Variants in NEK7 observed in about 807,000 individuals in gnomAD.
NEK7 encodes serine/threonine-protein kinase Nek7.
A neutral mutation model predicts 44.6 loss-of-function variants in NEK7; 18 were observed. That is an observed-to-expected ratio of 0.40 (90% CI 0.28 to 0.60). The LOEUF is 0.60. NEK7 is among the 20% of genes least tolerant of loss of function. NEK7 has a pLI of 0.38. For missense variants in NEK7, 256 were observed against 366.5 expected, an observed-to-expected ratio of 0.70 and a Z score of 2.46; for synonymous variants, 130 against 121.1, an observed-to-expected ratio of 1.07 and a Z score of -0.48.
In NEK7 at chr1:198,297,233, CAGA is replaced by C; in HGVS notation, c.797_798+1del. The C allele has an allele frequency of 6.2e-7, 1 of 1,613,068 alleles. No homozygotes were observed. Among genetic ancestry groups the C allele is most frequent in the Non-Finnish European group, 8.5e-7 (1 of 1,179,510 alleles). The stretch of plus-strand genomic sequence containing the variant: ...CCACCTCTTCCTTCAGATCACTATT[CAGA>C]AGAAGTAAGTCATTTTCAGCCCACA... On this transcript the variant is annotated inframe_deletion, in exon 9 of 10. Transcript: ENST00000367385.
At chr1:198,267,987 G>A (rs1309703775) in intron 5 of NEK7, among the ~76,000 whole-genome samples, 1 of 151,868 alleles carries the variant, frequency 6.6e-6, no homozygotes, top group Non-Finnish European at 1.5e-5. Flanking sequence ...ATTTGGCTCT[G>A]CTTTTCATTC....
At chr1:198,258,784 G>A (rs1653358704) in intron 3 of NEK7, among the ~76,000 whole-genome samples, 2 of 152,142 alleles carry the variant, frequency 1.3e-5, no homozygotes, top group Admixed American at 1.3e-4. Context: ...AGAAACTTTG[G>A]TGGAGCTGAA....
At chr1:198,314,713 C>T (rs1655297400) in intron 9 of NEK7, among the ~76,000 whole-genome samples, 1 of 152,214 alleles carries the variant, frequency 6.6e-6, no homozygotes, top group African/African-American at 2.4e-5. Context: ...CAGTATGCCC[C>T]TGCAGGGGGG....
chr1:198,226,540 G>A (rs1196585556), intron 1 of NEK7, among the ~76,000 whole-genome samples: 31 of 148,414 alleles, frequency 2.1e-4, no homozygotes, highest in South Asian at 6.4e-4. Flanking sequence ...GCGATATTGC[G>A]TCTCAAAAAA....
At chr1:198,168,289 T>C (rs145073780) in intron 1 of NEK7, among the ~76,000 whole-genome samples, 46 of 152,304 alleles carry the variant, frequency 3.0e-4, no homozygotes, top group African/African-American at 1.1e-3. Flanking sequence ...ATTCAGATAA[T>C]ATAAGAAGCA....
chr1:198,235,266 A>T (rs1450099531), intron 2 of NEK7, among the ~76,000 whole-genome samples: 1 of 152,086 alleles, frequency 6.6e-6, no homozygotes, highest in East Asian at 1.9e-4. Context: ...ATGTGGTCTC[A>T]TTTTTGGTAC....
chr1:198,252,903 T>C (rs918281222), intron 2 of NEK7, 137 bp from the exon 3 acceptor site: 1 of 675,548 alleles, frequency 1.5e-6, no homozygotes, highest in African/African-American at 1.8e-5. Flanking sequence ...ATAAGTTCAG[T>C]AAATATTTGT....
At chr1:198,204,085 G>T (rs1279622452) in intron 1 of NEK7, among the ~76,000 whole-genome samples, 1 of 152,010 alleles carries the variant, frequency 6.6e-6, no homozygotes, top group Non-Finnish European at 1.5e-5. Context: ...GCGAGATCCT[G>T]TCTCTACAAA....
chr1:198,296,621 G>A (rs1485070679), intron 8 of NEK7, among the ~76,000 whole-genome samples: 2 of 152,110 alleles, frequency 1.3e-5, no homozygotes, highest in Non-Finnish European at 2.9e-5. Context: ...CATTTAAATT[G>A]AAAAGACTGC....
chr1:198,270,394 A>G (rs2102964933), intron 5 of NEK7, among the ~76,000 whole-genome samples: 1 of 152,154 alleles, frequency 6.6e-6, no homozygotes, highest in East Asian at 1.9e-4. Context: ...TGTTTTGAGA[A>G]GAAACTCAGA....
At chr1:198,270,700 T>G in intron 5 of NEK7, among the ~76,000 whole-genome samples, 1 of 152,126 alleles carries the variant, frequency 6.6e-6, no homozygotes, top group Non-Finnish European at 1.5e-5. Context: ...CTCTTTTTCT[T>G]TATACATACA....
intron 2 of NEK7, among the ~76,000 whole-genome samples, chr1:198,239,868 A>G (rs1484456003): frequency 2.0e-5 from 3 of 152,286 alleles, no homozygotes; most frequent in East Asian, 1.9e-4. Context: ...CCCCGACAGG[A>G]TAGCCTACTA....
At chr1:198,262,679 A>G (rs754076407) in intron 4 of NEK7, 42 bp downstream of exon 4, 22 of 1,192,278 alleles carry the variant, frequency 1.8e-5, no homozygotes, top group Non-Finnish European at 2.3e-5. Flanking sequence ...TAACATGGTG[A>G]TAAAAGTGAT....
intron 9 of NEK7, among the ~76,000 whole-genome samples, chr1:198,313,863 C>T (rs1238894917): frequency 6.6e-6 from 1 of 152,016 alleles, no homozygotes; most frequent in South Asian, 2.1e-4. Context: ...TCTCTGGCTG[C>T]CCCTAACATT....
chr1:198,242,628 G>GT (rs1553252739), intron 2 of NEK7, among the ~76,000 whole-genome samples: 2 of 150,744 alleles, frequency 1.3e-5, no homozygotes, highest in South Asian at 2.1e-4. Context: ...CACCCTGCTA[G>GT]TTTTTTTGTA....
chr1:198,191,648 C>T (rs937919397), intron 1 of NEK7, among the ~76,000 whole-genome samples: 4 of 151,736 alleles, frequency 2.6e-5, no homozygotes, highest in Admixed American at 6.6e-5. Context: ...ATTTGTTAGT[C>T]GTTTTTTTAT....
intron 1 of NEK7, among the ~76,000 whole-genome samples, chr1:198,171,998 T>A (rs1664463132): frequency 6.6e-6 from 1 of 152,204 alleles, no homozygotes; most frequent in Admixed American, 6.5e-5. Context: ...TAAAAGTCTG[T>A]TTCTGTATGT....
At chr1:198,272,127 G>C (rs59169172) in intron 5 of NEK7, among the ~76,000 whole-genome samples, 1 of 151,328 alleles carries the variant, frequency 6.6e-6, no homozygotes, top group Non-Finnish European at 1.5e-5. Context: ...GTTTGAAGTC[G>C]AAGCAGTATA....
chr1:198,254,928 T>G (rs941967503), intron 3 of NEK7, among the ~76,000 whole-genome samples: 1 of 152,174 alleles, frequency 6.6e-6, no homozygotes, highest in Non-Finnish European at 1.5e-5. Flanking sequence ...GATTCATTTT[T>G]AAAATGGATT....
Sources: gnomAD v4.1 joint callset for allele counts (sites outside exome capture counted in the v4.1 genomes callset) on GRCh38, gnomAD v4.1.1 for gene constraint, MANE v1.5 for transcripts, NCBI Gene and HGNC (gene_info 2026-07-23, HGNC 2026-07-21) for gene names.